The following LOC128125822 variants were observed in gnomAD, a reference collection of about 807,000 sequenced individuals.
the LOC128125822 span, chr6:63,578,624 T>A: frequency 4.1e-6 from 6 of 1,469,236 alleles, no homozygotes; most frequent in Non-Finnish European, 5.4e-6. Context: ...AAGTCATAAA[T>A]AGACCTCAAA....
At chr6:63,578,509 A>G in the LOC128125822 span, 1 of 1,612,026 alleles carries the variant, frequency 6.2e-7, no homozygotes, top group Non-Finnish European at 8.5e-7. Flanking sequence ...TCTTGTGGAG[A>G]AAGAAGGTAT....
the LOC128125822 span, chr6:63,581,190 CT>C: frequency 1.1e-4 from 17 of 152,002 alleles, no homozygotes; most frequent in Admixed American, 4.6e-4. Context: ...AAATGGGTTT[CT>C]GCTAATGAAT....
chr6:63,579,949 A>C, the LOC128125822 span: 142 of 767,952 alleles, frequency 1.8e-4, no homozygotes, highest in Admixed American at 6.9e-4. Context: ...CAGCCTAATT[A>C]ATCAAAAGAT....
At chr6:63,578,822 C>T in the LOC128125822 span, 2 of 1,318,088 alleles carry the variant, frequency 1.5e-6, no homozygotes, top group Non-Finnish European at 1.0e-6. Context: ...AAAACATTTC[C>T]ATGTTAGAAA....
the LOC128125822 span, among the ~76,000 whole-genome samples, chr6:63,572,950 G>C: frequency 1.1e-4 from 17 of 152,194 alleles, no homozygotes; most frequent in Admixed American, 9.8e-4. Context: ...GCGGTTGGCC[G>C]CCGGAGGCAC....
chr6:63,582,634 G>C, the LOC128125822 span: 1 of 152,278 alleles, frequency 6.6e-6, no homozygotes, highest in Non-Finnish European at 1.5e-5. Flanking sequence ...GATACCCTTA[G>C]TGGGATGATG....
chr6:63,580,212 G>C, the LOC128125822 span: 19 of 1,457,066 alleles, frequency 1.3e-5, no homozygotes, highest in Non-Finnish European at 1.8e-5. Flanking sequence ...TGGAACTTGA[G>C]ATAGGGCCTA....
the LOC128125822 span, chr6:63,578,653 ATAT>A: frequency 1.5e-6 from 2 of 1,344,886 alleles, no homozygotes; most frequent in East Asian, 2.7e-5. Flanking sequence ...AACAAATATT[ATAT>A]TATTGTGCAG....
chr6:63,579,922 C>G, the LOC128125822 span: 1 of 666,810 alleles, frequency 1.5e-6, no homozygotes, highest in South Asian at 1.9e-5. Flanking sequence ...GTTCATATTC[C>G]TTTCTGCATC....
At chr6:63,580,263 C>CT in the LOC128125822 span, 1 of 1,074,212 alleles carries the variant, frequency 9.3e-7, no homozygotes, top group Admixed American at 1.8e-5. Flanking sequence ...CTTAGTAAGT[C>CT]TAATGAAGCT....
chr6:63,574,793 C>T, the LOC128125822 span, among the ~76,000 whole-genome samples: 2 of 152,016 alleles, frequency 1.3e-5, no homozygotes, highest in Non-Finnish European at 2.9e-5. Context: ...TTTTATTCTA[C>T]GGAGGTTGTA....
chr6:63,579,541 T>C, the LOC128125822 span, among the ~76,000 whole-genome samples: 5 of 152,252 alleles, frequency 3.3e-5, no homozygotes, highest in Non-Finnish European at 7.3e-5. Flanking sequence ...TTTTGAATTA[T>C]TGTTTTGCTT....
the LOC128125822 span, among the ~76,000 whole-genome samples, chr6:63,578,064 T>G: frequency 2.0e-5 from 3 of 152,108 alleles, no homozygotes; most frequent in African/African-American, 7.2e-5. Flanking sequence ...AAATAATGCC[T>G]TTAGTTACAT....
the LOC128125822 span, among the ~76,000 whole-genome samples, chr6:63,577,866 T>C: frequency 2.7e-5 from 4 of 149,422 alleles, 1 homozygote; most frequent in South Asian, 8.3e-4. Context: ...TACACTAATA[T>C]ATACTATATA....
At chr6:63,573,497 C>G in the LOC128125822 span, 3 of 152,154 alleles carry the variant, frequency 2.0e-5, no homozygotes, top group Non-Finnish European at 4.4e-5. Flanking sequence ...GATTGCGGCG[C>G]GGAGAGGGGG....
the LOC128125822 span, chr6:63,581,044 CT>C: frequency 1.3e-5 from 2 of 151,934 alleles, no homozygotes; most frequent in Non-Finnish European, 2.9e-5. Context: ...GGTAGAGATG[CT>C]TTGTTATTGT....
At chr6:63,580,951 A>G in the LOC128125822 span, 7 of 152,430 alleles carry the variant, frequency 4.6e-5, no homozygotes. Flanking sequence ...GGGGGCTATT[A>G]ATTATTTTTA....
At chr6:63,579,635 C>T in the LOC128125822 span, among the ~76,000 whole-genome samples, 5 of 152,156 alleles carry the variant, frequency 3.3e-5, no homozygotes, top group Admixed American at 6.5e-5. Context: ...ATAAAATGCA[C>T]AGGTCTCCAA....
the LOC128125822 span, chr6:63,579,448 A>G: frequency 3.0e-6 from 2 of 669,350 alleles, no homozygotes; most frequent in Non-Finnish European, 4.6e-6. Context: ...AGATAGTATT[A>G]AAACCAGGAA....
Sources: gnomAD v4.1 joint callset for allele counts (sites outside exome capture counted in the v4.1 genomes callset) on GRCh38, gnomAD v4.1.1 for gene constraint, MANE v1.5 for transcripts.